The following PLCE1 variants were observed in gnomAD, a reference collection of about 807,000 sequenced individuals.
PLCE1 encodes phospholipase C epsilon 1, also known as 1-phosphatidylinositol 4,5-bisphosphate phosphodiesterase epsilon-1.
PLCE1 carries 119 observed loss-of-function variants against 242.8 expected under a neutral mutation model. The observed-to-expected ratio is 0.49, with a 90% CI of 0.42 to 0.57. PLCE1 has a LOEUF of 0.57. Among genes scored for constraint, PLCE1 ranks in the 20% least tolerant of loss-of-function variants. The pLI is 0.00. For missense variants in PLCE1, 2,441 were observed against 2,788.8 expected, an observed-to-expected ratio of 0.88 and a Z score of 2.81; for synonymous variants, 945 against 1,017.4, an observed-to-expected ratio of 0.93 and a Z score of 1.35.
chr10:94,282,995 G>T lies in PLCE1; in HGVS notation c.4796-795G>T, dbSNP rs1344328624. On this transcript the variant is annotated intron_variant, in intron 20 of 32. Transcript: ENST00000371380. ...TTGTCAGCCTGCATGGCCCTGATTT[G>T]GTATAAGGTCCTTTTGGTCTAATCG... is the stretch of plus-strand genomic sequence containing the variant. Among the ~76,000 whole-genome samples the T allele has an allele frequency of 3.3e-5, 5 of 152,124 alleles. 1 individual carries two copies. In the East Asian group the frequency reaches 9.6e-4, roughly 29 times the overall value.
chr10:94,246,633 A>G lies in PLCE1; in HGVS notation c.3096+12A>G, dbSNP rs1178387151. 1 of 1,611,122 alleles carries G rather than the reference A, an allele frequency of 6.2e-7. No individual in the cohort carries two copies. The highest frequency in any genetic ancestry group is 2.2e-5 in the East Asian group (1 of 44,830). ...TCAGCCTTTATCAGGTAAGGGGTGC[A>G]GCCATCCCTCTTTCCTCACTGGCAT... On this transcript the variant is annotated intron_variant, in intron 8 of 32. Coordinates refer to ENST00000371380, the MANE Select transcript of PLCE1 (RefSeq NM_016341.4).
chr10:94,008,222 T>C (rs1056303409), intron 1 of PLCE1, among the ~76,000 whole-genome samples: 1 of 95,136 alleles, frequency 1.1e-5, no homozygotes, highest in African/African-American at 5.6e-5. Context: ...AAAGTAACAA[T>C]ATGCTCTGAA....
intron 2 of PLCE1, chr10:94,105,450 A>G (rs1219974464): frequency 6.6e-6 from 1 of 152,194 alleles, no homozygotes; most frequent in East Asian, 1.9e-4. Context: ...ATCACCACTC[A>G]CCCAAACAAT....
rs1027037707 is a variant in PLCE1 at position 94,203,831 on chromosome 10, A to C, written c.1810-23475A>C. Among the ~76,000 whole-genome samples the C allele has an allele frequency of 2.0e-5, 3 of 152,376 alleles. No individual in the cohort carries two copies. The East Asian group carries it at 5.8e-4, about 29-fold the overall frequency. ...ACATAAAGGAAAGCATGCTGAGTGA[A>C]TATCCACAACCTGTGAAGGCAGAAG... On this transcript the variant is annotated intron_variant, in intron 4 of 32. Coordinates refer to ENST00000371380, the MANE Select transcript of PLCE1 (RefSeq NM_016341.4).
Position 94,169,606 on chromosome 10 carries a change from G to A in PLCE1, c.1493-1574G>A, listed in dbSNP as rs144619631. 2.0e-5 allele frequency among the ~76,000 whole-genome samples: 3 copies of A among 152,310 alleles called. No homozygotes were observed. In the East Asian group the frequency reaches 5.8e-4, roughly 29 times the overall value. On this transcript the variant is annotated intron_variant, in intron 3 of 32. Transcript: ENST00000371380. ...TTAAGAAACAGTCGAATGACTGTGA[G>A]GAAAGCAAACGCAGGTTTGGGAATG... is the stretch of plus-strand genomic sequence containing the variant.
chr10:94,066,734 C>A (rs1316063238), intron 2 of PLCE1, among the ~76,000 whole-genome samples: 1 of 152,174 alleles, frequency 6.6e-6, no homozygotes, highest in African/African-American at 2.4e-5. Context: ...ACTGACTTCT[C>A]CACTTCTAGA....
chr10:94,127,001 G>A (rs1215739411), intron 2 of PLCE1, among the ~76,000 whole-genome samples: 1 of 152,134 alleles, frequency 6.6e-6, no homozygotes, highest in African/African-American at 2.4e-5. Context: ...TTTCTATCCT[G>A]GCATAGCCTC....
chr10:94,137,320 G>A (rs1169902653), intron 3 of PLCE1, among the ~76,000 whole-genome samples: 6 of 152,136 alleles, frequency 3.9e-5, no homozygotes, highest in African/African-American at 1.4e-4. Context: ...CGATAATTAG[G>A]AAGAAATTTT....
At chr10:94,139,700 C>T (rs1051265859) in intron 3 of PLCE1, among the ~76,000 whole-genome samples, 6 of 152,092 alleles carry the variant, frequency 3.9e-5, no homozygotes, top group African/African-American at 1.4e-4. Context: ...TGCCTTGCCC[C>T]CCTTTCCTCC....
At chr10:94,068,921 C>T (rs534889134) in intron 2 of PLCE1, among the ~76,000 whole-genome samples, 52 of 152,356 alleles carry the variant, frequency 3.4e-4, no homozygotes, top group African/African-American at 9.1e-4. Flanking sequence ...AAGGACAGGA[C>T]GGTATTTTAT....
At chr10:94,165,654 T>A (rs1323674784) in intron 3 of PLCE1, among the ~76,000 whole-genome samples, 1 of 152,014 alleles carries the variant, frequency 6.6e-6, no homozygotes, top group Non-Finnish European at 1.5e-5. Context: ...CTGAACCAGG[T>A]TTTTGAGCAT....
At chr10:94,283,275 A>G (rs766518069) in intron 20 of PLCE1, 1 of 153,476 alleles carries the variant, frequency 6.5e-6, no homozygotes, top group Non-Finnish European at 1.5e-5. Context: ...AATTGTGAAG[A>G]CTTTGCATTG....
At chr10:94,196,006 C>T (rs1177526267) in intron 4 of PLCE1, among the ~76,000 whole-genome samples, 1 of 152,148 alleles carries the variant, frequency 6.6e-6, no homozygotes, top group African/African-American at 2.4e-5. Context: ...TGAATCCCAG[C>T]CACATTGTTT....
At position 94,320,371 on chromosome 10, in the gene PLCE1, A is replaced by G. The variant is rs140353419; in HGVS notation, c.6343-1530A>G. 1.7e-3 allele frequency among the ~76,000 whole-genome samples: 253 copies of G among 152,316 alleles called. 2 individuals carry two copies. The highest frequency in any genetic ancestry group is 2.4e-3 in the Non-Finnish European group (166 of 68,032). On this transcript the variant is annotated intron_variant, in intron 29 of 32. Transcript: ENST00000371380. The stretch of plus-strand genomic sequence containing the variant: ...TATATCTTTATTTATTTAACAAAAA[A>G]TCATGTAATTATAAGGCCATGATTG...
intron 2 of PLCE1, chr10:94,105,353 G>C (rs557264708): frequency 6.6e-6 from 1 of 152,442 alleles, no homozygotes; most frequent in East Asian, 1.9e-4. Flanking sequence ...TCAACACCCA[G>C]ACACCAGGGA....
chr10:94,286,366 C>A (rs778171312), intron 22 of PLCE1, among the ~76,000 whole-genome samples: 4 of 152,024 alleles, frequency 2.6e-5, no homozygotes, highest in Non-Finnish European at 5.9e-5. Flanking sequence ...TGTAGTGGTG[C>A]GTGCCTGTAA....
intron 2 of PLCE1, among the ~76,000 whole-genome samples, chr10:94,073,233 C>G (rs968334299): frequency 4.6e-5 from 7 of 152,096 alleles, no homozygotes; most frequent in African/African-American, 1.7e-4. Context: ...TTGTTTTTCC[C>G]CATGTCATTA....
intron 1 of PLCE1, among the ~76,000 whole-genome samples, chr10:94,020,641 G>A (rs1283308751): frequency 2.0e-5 from 3 of 151,762 alleles, no homozygotes; most frequent in Non-Finnish European, 4.4e-5. Flanking sequence ...GTTAATTATT[G>A]TGTGTGGTGT....
intron 14 of PLCE1, among the ~76,000 whole-genome samples, chr10:94,263,188 T>C (rs980766851): frequency 6.6e-6 from 1 of 152,114 alleles, no homozygotes; most frequent in African/African-American, 2.4e-5. Flanking sequence ...TTTTGTTTTT[T>C]TAACAAAATA....
Sources: gnomAD v4.1 joint callset for allele counts (sites outside exome capture counted in the v4.1 genomes callset) on GRCh38, gnomAD v4.1.1 for gene constraint, MANE v1.5 for transcripts, NCBI Gene and HGNC (gene_info 2026-07-23, HGNC 2026-07-21) for gene names.